The following CCDC88B variants were observed in gnomAD, a reference collection of about 807,000 sequenced individuals.
The protein encoded by CCDC88B is coiled-coil domain-containing protein 88B.
In CCDC88B, 138 loss-of-function variants were observed where a neutral mutation model predicts 183.7. That is an observed-to-expected ratio of 0.75 (90% CI 0.65 to 0.87). The LOEUF (loss-of-function observed/expected upper bound fraction) is 0.87, where lower values mean the gene tolerates loss of function less well. Ranked by LOEUF, CCDC88B falls within the 40% of genes least tolerant of loss-of-function variation. The probability of loss-of-function intolerance (pLI) is 0.00; values close to 1 mark genes in which losing one functional copy is unlikely to be tolerated. For synonymous variants in CCDC88B, 835 were observed against 867.5 expected (o/e 0.96, Z 0.66); for missense variants, 1,822 against 1,965.6 (o/e 0.93, Z 1.38).
rs576630 is a variant in CCDC88B, at chr11:64,353,234, G to A, written c.3681G>A (p.Gln1227=). Residue 1227 remains glutamine, a synonymous_variant, in exon 21 of 27, where the codon CAG becomes CAA. Transcript: ENST00000356786. ...LDLSACRLTT[Q]CELLTQLRSA... ...TGAGCGCCTGCCGGCTGACCACGCA[G>A]TGTGAGGTGTGGCTGGAGGGCCGGT... 5 of 1,565,110 alleles carry A rather than the reference G, an allele frequency of 3.2e-6. No individual in the cohort carries two copies. Among genetic ancestry groups the A allele is most frequent in the Non-Finnish European group, 3.5e-6 (4 of 1,154,178 alleles).
intron 14 of CCDC88B, among the ~76,000 whole-genome samples, chr11:64,346,798 C>T (rs2036127795): frequency 6.7e-6 from 1 of 149,942 alleles, no homozygotes; most frequent in African/African-American, 2.5e-5. Flanking sequence ...TAGTTTCTTT[C>T]TTTTCTTTTC....
rs1390796130 is a variant in CCDC88B, at chr11:64,352,311, G to A, written c.3281G>A (p.Gly1094Glu). ...CGGCGGCAGGAGGCCGAGCTAGAGG[G>A]ACTGCTGGTGCGGCACCGAGACCTC... is the stretch of plus-strand genomic sequence containing the variant. The part of the protein sequence containing the change: ...LQRRQEAELE[G>E]LLVRHRDLKA... Residue 1094 changes from glycine (G) to glutamate (E), a missense_variant, in exon 19 of 27, where the codon GGA (glycine) becomes GAA (glutamate). Gly to Glu is a moderately conservative substitution (Grantham distance 98). Transcript: ENST00000356786. 5.8e-6 allele frequency: 9 copies of A among 1,555,854 alleles called. No homozygotes were observed. The highest frequency in any genetic ancestry group is 7.8e-6 in the Non-Finnish European group (9 of 1,151,482).
Position 64,357,023 on chromosome 11 carries a change from G to A in CCDC88B, c.4376-16G>A, listed in dbSNP as rs1478003768. ...CTCCTGAGGGAAGCAGATCTCAGCT[G>A]AGCCTTTCCCTCTAGGCCCTGAGGT... On this transcript the variant is annotated splice_polypyrimidine_tract_variant and intron_variant, in intron 26 of 26. Coordinates refer to ENST00000356786, the MANE Select transcript of CCDC88B (RefSeq NM_032251.6). The A allele has an allele frequency of 3.2e-6, 5 of 1,564,374 alleles. No individual in the cohort carries two copies. In the South Asian group the frequency reaches 4.8e-5, roughly 15 times the overall value.
chr11:64,351,718 GC>G, intron 18 of CCDC88B, 102 bp downstream of exon 18: 1 of 1,357,042 alleles, frequency 7.4e-7, no homozygotes, highest in Non-Finnish European at 9.7e-7. Context: ...CCAGCCAGCT[GC>G]CCCACCTCTT....
Position 64,351,195 on chromosome 11 carries a change from G to C in CCDC88B, c.2898G>C (p.Lys966Asn). 6.6e-7 allele frequency: 1 copy of C among 1,516,644 alleles called. No homozygotes were observed. Among genetic ancestry groups the C allele is most frequent in the Non-Finnish European group, 8.8e-7 (1 of 1,133,874 alleles). 93.9% of individuals were successfully genotyped at this position (1,516,644 alleles called of 1,614,324 possible). A position where few individuals can be genotyped will look rare whatever the true frequency, so the allele number is the denominator to read the frequency against. ...RQGPAGLGPKKRAEPQLVETQ... is the reference protein window; with the variant it reads ...RQGPAGLGPKNRAEPQLVETQ... The stretch of plus-strand genomic sequence containing the variant: ...GCCCCGCGGGGCTGGGGCCCAAAAA[G>C]CGTGCGGAGCCTCAGCTGGTGGAGA... Residue 966 changes from lysine (K) to asparagine (N), a missense_variant, in exon 17 of 27, where the codon AAG becomes AAC. Lys to Asn is a moderately conservative substitution (Grantham distance 94). Transcript: ENST00000356786.
Position 64,357,126 on chromosome 11 carries a change from C to T in CCDC88B, c.*32C>T, listed in dbSNP as rs7944314. On this transcript the variant is annotated 3_prime_UTR_variant, in exon 27 of 27. Coordinates refer to ENST00000356786, the MANE Select transcript of CCDC88B (RefSeq NM_032251.6). ...GGGAACAGCAGGCTTGGGAGTGCAG[C>T]CTTCTCGGCACTGGAGTGTCAGCGG... 1.2e-6 allele frequency: 2 copies of T among 1,612,692 alleles called. No individual in the cohort carries two copies. The highest frequency in any genetic ancestry group is 2.7e-5 in the African/African-American group (2 of 74,876).
At position 64,340,951 on chromosome 11, in the gene CCDC88B, A is replaced by T. The variant is rs1315480534; in HGVS notation, c.251A>T (p.Asp84Val). 1 of 1,596,480 alleles carries T rather than the reference A, an allele frequency of 6.3e-7. No homozygotes were observed. Among genetic ancestry groups the T allele is most frequent in the Non-Finnish European group, 8.5e-7 (1 of 1,170,700 alleles). Residue 84 changes from aspartate to valine, a missense_variant, in exon 3 of 27, where the codon GAC becomes GTC. By Grantham distance (152) the Asp-to-Val change is radical. Transcript: ENST00000356786. The part of the protein sequence containing the change: ...RGGPRMLRGL[D>V]GPAAWRVWNL... ...GGACCTCGGATGCTCAGAGGCCTTG[A>T]CGGACCTGCTGCCTGGCGAGTGTGG...
rs774745171 is a variant in CCDC88B, at chr11:64,352,370, C to A, written c.3340C>A (p.Arg1114=). The change falls in exon 19 of 27, where the codon CGG becomes AGG. Residue 1114 remains arginine (R), a synonymous_variant. Coordinates refer to ENST00000356786, the MANE Select transcript of CCDC88B (RefSeq NM_032251.6). ...CATGCGGGCACTGGAGCTGGCCCAC[C>A]GGGAGCTGCAGGGCCGGTGAGCATC... ...ANMRALELAH[R]ELQGRHEQLQ... 67 of 1,538,606 alleles carry A rather than the reference C, an allele frequency of 4.4e-5. No individual in the cohort carries two copies. In the South Asian group the frequency reaches 7.4e-4, roughly 17 times the overall value.
chr11:64,353,582 G>T, intron 22 of CCDC88B, 86 bp downstream of exon 22: 3 of 1,579,190 alleles, frequency 1.9e-6, no homozygotes, highest in Non-Finnish European at 2.6e-6. Context: ...CCTAGGGACA[G>T]GGTTGGAGCT....
chr11:64,343,734 C>A, intron 12 of CCDC88B, 44 bp from the exon 13 acceptor site: 1 of 1,528,706 alleles, frequency 6.5e-7, no homozygotes, highest in South Asian at 1.2e-5. Context: ...ATGTGAGGAG[C>A]CAGGCAGTAA....
intron 7 of CCDC88B, 88 bp downstream of exon 7, chr11:64,341,830 G>T: frequency 6.7e-7 from 1 of 1,482,082 alleles, no homozygotes; most frequent in South Asian, 1.3e-5. Context: ...GGAAGTTTGG[G>T]GCCCAGGCAT....
chr11:64,343,249 G>A lies in CCDC88B; in HGVS notation c.1133G>A (p.Arg378Gln), dbSNP rs777376317. The part of the protein sequence containing the change: ...ALLEEQLEAA[R>Q]ERCARLHETQ... Reference sequence around the variant, plus strand: ...CTGGAAGAGCAGCTGGAGGCTGCCCGAGAGCGCTGCGCCCGGCTGCACGAG... The same window carrying A: ...CTGGAAGAGCAGCTGGAGGCTGCCCAAGAGCGCTGCGCCCGGCTGCACGAG... Residue 378 changes from arginine to glutamine, a missense_variant, in exon 11 of 27, where the codon CGA becomes CAA. Arg to Gln is a conservative substitution (Grantham distance 43). Coordinates refer to ENST00000356786, the MANE Select transcript of CCDC88B (RefSeq NM_032251.6). 136 of 1,548,180 alleles carry A rather than the reference G, an allele frequency of 8.8e-5. No homozygotes were observed. Among genetic ancestry groups the A allele is most frequent in the Admixed American group, 2.2e-4 (11 of 50,950 alleles).
At position 64,344,329 on chromosome 11, in the gene CCDC88B, C is replaced by T; in HGVS notation, c.1788C>T (p.Ser596=). The T allele has an allele frequency of 1.9e-6, 3 of 1,612,806 alleles. No individual in the cohort carries two copies. The highest frequency in any genetic ancestry group is 2.5e-6 in the Non-Finnish European group (3 of 1,179,532). ...QESPEKAGRR[S]SLQSPASVAP... ...CCCCGGAGAAGGCTGGCCGTAGATC[C>T]TCTCTCCAGAGCCCTGCCTCTGTGG... The change falls in exon 14 of 27, where the codon TCC becomes TCT. Residue 596 remains serine (S), a synonymous_variant. Transcript: ENST00000356786. The surrounding 1 kb of genome is among the most constrained non-coding windows in gnomAD (Gnocchi z 4.5).
Position 64,340,771 on chromosome 11 carries a change from G to C in CCDC88B, c.206+19G>C, listed in dbSNP as rs746751891. 1 of 1,593,132 alleles carries C rather than the reference G, an allele frequency of 6.3e-7. No homozygotes were observed. Among genetic ancestry groups the C allele is most frequent in the Admixed American group, 1.7e-5 (1 of 58,098 alleles). ...GCATCATGTAAGGGGCATCGGGCCG[G>C]GGCGGTGGCGGGGAAGGATCTGAGA... On this transcript the variant is annotated intron_variant, in intron 2 of 26. Coordinates refer to ENST00000356786, the MANE Select transcript of CCDC88B (RefSeq NM_032251.6).
chr11:64,340,552 G>A, intron 1 of CCDC88B, 55 bp from the exon 2 acceptor site: 2 of 1,571,094 alleles, frequency 1.3e-6, no homozygotes, highest in Non-Finnish European at 8.6e-7. Flanking sequence ...GGGGCAGGTC[G>A]GAGGGGCTCA....
At position 64,357,132 on chromosome 11, in the gene CCDC88B, C is replaced by T. The variant is rs958175065; in HGVS notation, c.*38C>T. 41 of 1,612,132 alleles carry T rather than the reference C, an allele frequency of 2.5e-5. No individual in the cohort carries two copies. Among genetic ancestry groups the T allele is most frequent in the South Asian group, 8.8e-5 (8 of 91,076 alleles). On this transcript the variant is annotated 3_prime_UTR_variant, in exon 27 of 27. Coordinates refer to ENST00000356786, the MANE Select transcript of CCDC88B (RefSeq NM_032251.6). ...AGCAGGCTTGGGAGTGCAGCCTTCT[C>T]GGCACTGGAGTGTCAGCGGAGGCCC...
In CCDC88B at chr11:64,341,091, C is replaced by T. The variant is rs375977596; in HGVS notation, c.319-18C>T. 1.2e-6 allele frequency: 2 copies of T among 1,614,088 alleles called. No homozygotes were observed. Among genetic ancestry groups the T allele is most frequent in the Non-Finnish European group, 1.7e-6 (2 of 1,179,992 alleles). Reference sequence around the variant, plus strand: ...CCTTCGGGAAGGCGCCTCATATAGTCTGCCTCTCTGCCTCCAGGAGGAGCT... The same window carrying T: ...CCTTCGGGAAGGCGCCTCATATAGTTTGCCTCTCTGCCTCCAGGAGGAGCT... On this transcript the variant is annotated intron_variant, in intron 3 of 26. Transcript: ENST00000356786.
At chr11:64,355,751 C>A in intron 26 of CCDC88B, 123 bp downstream of exon 26, 1 of 909,494 alleles carries the variant, frequency 1.1e-6, no homozygotes. Context: ...GACGTGCTGG[C>A]AGGGGACACA....
At chr11:64,345,307 G>A (rs1191013046) in intron 14 of CCDC88B, 150 bp downstream of exon 14, 2 of 951,676 alleles carry the variant, frequency 2.1e-6, no homozygotes, top group Non-Finnish European at 1.5e-6. Flanking sequence ...GCCTTCCAAA[G>A]GTGTGCCTGG....
Sources: gnomAD v4.1 joint callset for allele counts (sites outside exome capture counted in the v4.1 genomes callset) on GRCh38, gnomAD v4.1.1 for gene constraint, Gnocchi (gnomAD v3.1) non-coding constraint, MANE v1.5 for transcripts, NCBI Gene and HGNC (gene_info 2026-07-23, HGNC 2026-07-21) for gene names.